ELF2: variants seen among roughly 807,000 people sequenced by gnomAD.
ELF2 encodes ETS-related transcription factor Elf-2.
ELF2 carries 11 observed loss-of-function variants against 54.8 expected under a neutral mutation model. The observed-to-expected ratio is 0.20, with a 90% CI of 0.13 to 0.33. ELF2 has a LOEUF of 0.33. Among genes scored for constraint, ELF2 ranks in the 10% least tolerant of loss-of-function variants. The pLI, the probability that ELF2 is intolerant of heterozygous loss-of-function variation, is 1.00. For missense variants in ELF2, 513 were observed against 703.0 expected, an observed-to-expected ratio of 0.73 and a Z score of 3.06; for synonymous variants, 203 against 245.1, an observed-to-expected ratio of 0.83 and a Z score of 1.61.
At chr4:139,174,505 T>C (rs567456444) in intron 1 of ELF2, among the ~76,000 whole-genome samples, 37 of 152,168 alleles carry the variant, frequency 2.4e-4, no homozygotes, top group Non-Finnish European at 4.4e-4. Flanking sequence ...AAATTGAGTA[T>C]AGTGATGGCT....
chr4:139,121,689 A>G (rs1455139548), intron 4 of ELF2, among the ~76,000 whole-genome samples: 2 of 152,170 alleles, frequency 1.3e-5, no homozygotes, highest in East Asian at 3.9e-4. Context: ...TACCTGCCAG[A>G]GTCAAGACCA....
intron 3 of ELF2, 126 bp from the exon 4 acceptor site, chr4:139,125,455 A>C: frequency 8.9e-7 from 1 of 1,122,336 alleles, no homozygotes; most frequent in Non-Finnish European, 1.2e-6. Flanking sequence ...ATAAATATGA[A>C]TGTAAAAGCC....
chr4:139,170,297 C>T (rs1341956317), intron 1 of ELF2, among the ~76,000 whole-genome samples: 5 of 130,132 alleles, frequency 3.8e-5, no homozygotes, highest in African/African-American at 1.5e-4. Flanking sequence ...CAGAGTCTCG[C>T]TCTGTTGCCC....
chr4:139,104,632 C>T (rs895916332), intron 4 of ELF2, among the ~76,000 whole-genome samples: 11 of 151,954 alleles, frequency 7.2e-5, no homozygotes, highest in Middle Eastern at 3.4e-3. Context: ...TTACTGCAAA[C>T]AGGCTGAGTT....
At chr4:139,066,930 G>A (rs1407479390) in intron 7 of ELF2, 2 of 151,980 alleles carry the variant, frequency 1.3e-5, no homozygotes, top group East Asian at 1.9e-4. Context: ...GACATTTATT[G>A]ATTGGAAAAT....
At chr4:139,104,907 C>T (rs977974785) in intron 4 of ELF2, among the ~76,000 whole-genome samples, 2 of 152,176 alleles carry the variant, frequency 1.3e-5, no homozygotes, top group African/African-American at 2.4e-5. Context: ...CCTCACCTTT[C>T]CCCAACCCTA....
chr4:139,091,148 T>C (rs1732531578), intron 4 of ELF2, among the ~76,000 whole-genome samples: 1 of 152,188 alleles, frequency 6.6e-6, no homozygotes, highest in African/African-American at 2.4e-5. Flanking sequence ...TTAGCCAGGA[T>C]GGTCTCGATC....
At chr4:139,078,949 G>A (rs192653165) in intron 4 of ELF2, among the ~76,000 whole-genome samples, 5 of 152,124 alleles carry the variant, frequency 3.3e-5, no homozygotes, top group Admixed American at 6.5e-5. Flanking sequence ...TGTTTTTTGA[G>A]ACAAGGTCTC....
At chr4:139,173,104 T>C (rs1310834661) in intron 1 of ELF2, among the ~76,000 whole-genome samples, 5 of 152,052 alleles carry the variant, frequency 3.3e-5, no homozygotes, top group African/African-American at 1.2e-4. Context: ...CAATCAGTGA[T>C]TGCCTGAGGC....
At position 139,125,343 on chromosome 4, in the gene ELF2, T is replaced by G. The variant is rs1430011216; in HGVS notation, c.73-14A>C. 3 of 1,602,622 alleles carry G rather than the reference T, an allele frequency of 1.9e-6. No homozygotes were observed. The highest frequency in any genetic ancestry group is 2.5e-6 in the Non-Finnish European group (3 of 1,177,422). ...CTTTTCACTTTCCTATAAGAGCAAATTTAAAGAACAATCAACCTTTGTATT... is the reference window on the plus strand; with the variant it reads ...CTTTTCACTTTCCTATAAGAGCAAAGTTAAAGAACAATCAACCTTTGTATT... On this transcript the variant is annotated splice_polypyrimidine_tract_variant and intron_variant, in intron 3 of 9. Coordinates refer to ENST00000686138, the MANE Select transcript of ELF2 (RefSeq NM_001331036.3).
intron 4 of ELF2, among the ~76,000 whole-genome samples, chr4:139,091,833 T>C (rs189453959): frequency 3.3e-5 from 5 of 151,680 alleles, no homozygotes; most frequent in African/African-American, 1.2e-4. Context: ...GAAGATGACA[T>C]TGAAAAGATT....
In ELF2 at chr4:139,084,432, G is replaced by GGGC. The variant is rs1215851412; in HGVS notation, c.239-10868_239-10866dup. On this transcript the variant is annotated intron_variant, in intron 4 of 9. Coordinates refer to ENST00000686138, the MANE Select transcript of ELF2 (RefSeq NM_001331036.3). ...CTAACGGCAGGGGCAGGGGCGGCAG[G>GGGC]GGCAGGGGCGGCGGCGGCGGCGGCG... 26 of 1,184,446 alleles carry GGGC rather than the reference G, an allele frequency of 2.2e-5. No individual in the cohort carries two copies. The East Asian group carries it at 2.3e-4, about 10-fold the overall frequency. 73.4% of individuals were successfully genotyped at this position (1,184,446 alleles called of 1,614,324 possible).
In ELF2 at chr4:139,132,864, ATATATATAT is replaced by A. The variant is rs1560848530; in HGVS notation, c.72+4757_72+4765del. Among the ~76,000 whole-genome samples, 72 of 140,902 alleles carry A rather than the reference ATATATATAT, an allele frequency of 5.1e-4. No homozygotes were observed. In the Middle Eastern group the frequency reaches 0.011, roughly 21 times the overall value. The allele number at this position is 140,902 out of a possible 152,430, so 92.4% of individuals were successfully genotyped here. The stretch of plus-strand genomic sequence containing the variant: ...TACATATATATATATATATATATAT[ATATATATAT>A]AAAATATGTAATTTTTTTTTTTGGT... On this transcript the variant is annotated intron_variant, in intron 3 of 9. Coordinates refer to ENST00000686138, the MANE Select transcript of ELF2 (RefSeq NM_001331036.3).
At chr4:139,157,529 G>A (rs1046713316) in intron 1 of ELF2, among the ~76,000 whole-genome samples, 1 of 152,126 alleles carries the variant, frequency 6.6e-6, no homozygotes, top group Non-Finnish European at 1.5e-5. Flanking sequence ...AGGCTCCTGA[G>A]TAGCTAGGAC....
chr4:139,065,772 A>G (rs1049417720), intron 7 of ELF2, among the ~76,000 whole-genome samples: 3 of 152,218 alleles, frequency 2.0e-5, no homozygotes, highest in Non-Finnish European at 4.4e-5. Flanking sequence ...ATATTCAAGT[A>G]TAAGTGATAC....
chr4:139,060,731 A>AC (rs1295677652), intron 8 of ELF2, 57 bp from the exon 9 acceptor site: 3 of 1,421,884 alleles, frequency 2.1e-6, no homozygotes, highest in Non-Finnish European at 2.9e-6. Flanking sequence ...ACCCCACTCC[A>AC]CCCCCGCCAA....
At chr4:139,060,014 TTTTTTA>T (rs1472278373) in intron 9 of ELF2, among the ~76,000 whole-genome samples, 3 of 152,060 alleles carry the variant, frequency 2.0e-5, no homozygotes, top group Admixed American at 1.3e-4. Context: ...TGCTCAGCAA[TTTTTTA>T]TTTTTATTTT....
chr4:139,115,409 C>A (rs1286250348), intron 4 of ELF2: 16 of 996,182 alleles, frequency 1.6e-5, no homozygotes, highest in Admixed American at 6.1e-5. Context: ...GCATCGGGCC[C>A]CTCCCTGCGC....
chr4:139,152,310 GAGA>G (rs1003140407), intron 1 of ELF2, among the ~76,000 whole-genome samples: 3 of 151,834 alleles, frequency 2.0e-5, no homozygotes, highest in Non-Finnish European at 4.4e-5. Context: ...GACACTGAAT[GAGA>G]AGAATTGTAA....
Sources: allele counts gnomAD v4.1 joint callset (sites outside exome capture counted in the v4.1 genomes callset), GRCh38; gene constraint gnomAD v4.1.1; transcripts MANE v1.5; gene names NCBI Gene and HGNC (gene_info 2026-07-23, HGNC 2026-07-21).